MYH11: variants seen among roughly 807,000 people sequenced by gnomAD.
MYH11 encodes the protein myosin heavy chain 11, also known as myosin-11.
In MYH11, 80 loss-of-function variants were observed where a neutral mutation model predicts 246.6. The observed-to-expected ratio is 0.32, with a 90% CI of 0.27 to 0.39. The LOEUF (loss-of-function observed/expected upper bound fraction) is 0.39. Among genes scored for constraint, MYH11 ranks in the 10% least tolerant of loss-of-function variants. The pLI is 1.00. For missense variants in MYH11, 2,158 were observed against 2,546.8 expected, an observed-to-expected ratio of 0.85 and a Z score of 3.29; for synonymous variants, 1,071 against 1,015.5, an observed-to-expected ratio of 1.05 and a Z score of -1.04.
chr16:15,853,155 C>CA (rs1555461279), intron 1 of MYH11, among the ~76,000 whole-genome samples: 1 of 151,696 alleles, frequency 6.6e-6, no homozygotes, highest in Non-Finnish European at 1.5e-5. Context: ...TGCCCCTCAC[C>CA]TTTTTTTTGA....
chr16:15,729,448 G>A (rs1365777241), intron 27 of MYH11, among the ~76,000 whole-genome samples: 1 of 152,134 alleles, frequency 6.6e-6, no homozygotes, highest in African/African-American at 2.4e-5. Context: ...AAAGAGGCCT[G>A]GCTGGGAATG....
chr16:15,820,267 G>A (rs746453221), intron 3 of MYH11, among the ~76,000 whole-genome samples: 5 of 152,078 alleles, frequency 3.3e-5, no homozygotes, highest in Non-Finnish European at 7.4e-5. Flanking sequence ...ACAATGTCAG[G>A]AGATCGAGAC....
At chr16:15,763,741 T>TCGGGGCCCCCCCCCCCCCCCCCCCC in intron 10 of MYH11, 55 bp downstream of exon 10, 1 of 646,862 alleles carries the variant, frequency 1.5e-6, no homozygotes, top group Non-Finnish European at 2.9e-6. Flanking sequence ...AAATGTCACC[T>TCGGGGCCCCCCCCCCCCCCCCCCCC]CCCCCACCCC....
Position 15,793,769 on chromosome 16 carries a change from G to A in MYH11, c.530+4891C>T, listed in dbSNP as rs190825871. On this transcript the variant is annotated intron_variant, in intron 4 of 40. Transcript: ENST00000300036. ...TGAATAGCTGGGACTACAGGCACCCGCCACCATGCCCGGCTAATTTTTTTG... is the reference window on the plus strand; with the variant it reads ...TGAATAGCTGGGACTACAGGCACCCACCACCATGCCCGGCTAATTTTTTTG... 3.0e-3 allele frequency among the ~76,000 whole-genome samples: 438 copies of A among 148,458 alleles called. 1 individual carries two copies. Among genetic ancestry groups the A allele is most frequent in the African/African-American group, 0.011 (424 of 40,368 alleles).
chr16:15,759,811 T>C (rs779497428), intron 11 of MYH11, 83 bp from the exon 12 acceptor site: 7 of 1,556,082 alleles, frequency 4.5e-6, no homozygotes, highest in Non-Finnish European at 6.1e-6. Flanking sequence ...AAGATTTTTA[T>C]TCTTGGCCGG....
In MYH11 at chr16:15,754,622, T is replaced by C. The variant is rs116664141; in HGVS notation, c.1750-1114A>G. The stretch of plus-strand genomic sequence containing the variant: ...AAACTTTTGGTGAAGGCCCAGATAG[T>C]AGATATTTTTGGCTTGGCAAGTCAT... On this transcript the variant is annotated intron_variant, in intron 14 of 40. Transcript: ENST00000300036. Among the ~76,000 whole-genome samples the C allele has an allele frequency of 9.6e-3, 1,468 of 152,274 alleles. 23 individuals are homozygous for C. Among genetic ancestry groups the C allele is most frequent in the African/African-American group, 0.033 (1,382 of 41,550 alleles).
intron 40 of MYH11, among the ~76,000 whole-genome samples, chr16:15,712,111 C>G (rs749949338): frequency 6.6e-6 from 1 of 152,150 alleles, no homozygotes; most frequent in Non-Finnish European, 1.5e-5. Flanking sequence ...TTGGCAACTT[C>G]ATCATTTTAG....
At chr16:15,753,042 C>T (rs2041614293) in intron 15 of MYH11, among the ~76,000 whole-genome samples, 1 of 152,158 alleles carries the variant, frequency 6.6e-6, no homozygotes, top group African/African-American at 2.4e-5. Flanking sequence ...TCAAGTGACT[C>T]ATCCAAGACC....
At chr16:15,814,725 C>G (rs906384026) in intron 3 of MYH11, among the ~76,000 whole-genome samples, 1 of 151,914 alleles carries the variant, frequency 6.6e-6, no homozygotes, top group African/African-American at 2.4e-5. Context: ...AAGGAGGAGA[C>G]AAAAACATAA....
intron 5 of MYH11, chr16:15,784,793 A>G (rs2042431589): frequency 1.3e-6 from 2 of 1,568,762 alleles, no homozygotes; most frequent in African/African-American, 1.3e-5. Context: ...GCTGGAGAAT[A>G]TATGACTTTG....
chr16:15,771,832 C>G (rs2042109099), intron 8 of MYH11, 120 bp from the exon 9 acceptor site: 7 of 1,282,384 alleles, frequency 5.5e-6, no homozygotes, highest in Non-Finnish European at 6.6e-6. Flanking sequence ...AAGGCTTGAA[C>G]CGTTTAAAGC....
intron 9 of MYH11, among the ~76,000 whole-genome samples, chr16:15,764,496 T>A (rs1157028492): frequency 6.6e-6 from 1 of 151,796 alleles, no homozygotes; most frequent in Non-Finnish European, 1.5e-5. Context: ...AAAAAAACCC[T>A]GACATATCTT....
intron 23 of MYH11, among the ~76,000 whole-genome samples, chr16:15,739,138 C>T (rs529440818): frequency 6.6e-6 from 1 of 151,476 alleles, no homozygotes; most frequent in South Asian, 2.1e-4. Flanking sequence ...CTCACTCTGT[C>T]GCCCAGGGTG....
intron 9 of MYH11, among the ~76,000 whole-genome samples, chr16:15,768,137 G>A (rs1049523648): frequency 2.0e-5 from 3 of 152,030 alleles, no homozygotes; most frequent in African/African-American, 7.3e-5. Flanking sequence ...ATAAATTCCT[G>A]TTGTTTTAAG....
chr16:15,724,142 G>A lies in MYH11; in HGVS notation c.4365+19C>T. The A allele has an allele frequency of 6.2e-7, 1 of 1,612,248 alleles. No homozygotes were observed. On this transcript the variant is annotated intron_variant, in intron 31 of 40. Transcript: ENST00000300036. ...CCCAGCGTCCATGGCCAGAGTGGGG[G>A]ACACCCCACGCCCTCTACCTGATCA...
intron 3 of MYH11, among the ~76,000 whole-genome samples, chr16:15,807,657 C>A (rs559601095): frequency 1.3e-5 from 2 of 152,216 alleles, no homozygotes; most frequent in Admixed American, 1.3e-4. Flanking sequence ...ATCATCAGGA[C>A]CCGCCTGGGG....
intron 7 of MYH11, among the ~76,000 whole-genome samples, chr16:15,776,438 C>T (rs1229712645): frequency 5.9e-5 from 9 of 152,140 alleles, no homozygotes; most frequent in Admixed American, 2.0e-4. Context: ...GTAATGGTAA[C>T]GAGATGTTCC....
chr16:15,853,567 T>G (rs2044383854), intron 1 of MYH11, among the ~76,000 whole-genome samples: 1 of 152,202 alleles, frequency 6.6e-6, no homozygotes, highest in Non-Finnish European at 1.5e-5. Flanking sequence ...AGCTTCTTCC[T>G]CTGTCCTTGG....
At chr16:15,804,688 C>G (rs1007085254) in intron 3 of MYH11, among the ~76,000 whole-genome samples, 2 of 152,168 alleles carry the variant, frequency 1.3e-5, no homozygotes, top group Non-Finnish European at 2.9e-5. Context: ...TAAGCCCTTG[C>G]AACCGCCAAT....
Sources: gnomAD v4.1 joint callset for allele counts (sites outside exome capture counted in the v4.1 genomes callset) on GRCh38, gnomAD v4.1.1 for gene constraint, MANE v1.5 for transcripts, NCBI Gene and HGNC (gene_info 2026-07-23, HGNC 2026-07-21) for gene names.